The following EIF4E variants were observed in gnomAD, a reference collection of about 807,000 sequenced individuals.
EIF4E encodes the protein eIF-4F 25 kDa subunit.
For synonymous variants in EIF4E, 71 were observed against 88.5 expected (o/e 0.80, Z 1.11); for missense variants, 113 against 265.6 (o/e 0.43, Z 3.99).
intron 1 of EIF4E, among the ~76,000 whole-genome samples, chr4:98,925,304 G>A (rs1037959252): frequency 1.3e-5 from 2 of 151,992 alleles, no homozygotes; most frequent in East Asian, 3.9e-4. Flanking sequence ...TACCTCAAAA[G>A]GAACTACAAG....
At chr4:98,894,944 T>A (rs2110190034) in intron 2 of EIF4E, among the ~76,000 whole-genome samples, 1 of 152,340 alleles carries the variant, frequency 6.6e-6, no homozygotes. Flanking sequence ...GTAGGGCTAT[T>A]AATTGGCTTA....
chr4:98,917,933 G>A (rs190020020), intron 1 of EIF4E, among the ~76,000 whole-genome samples: 71 of 150,958 alleles, frequency 4.7e-4, no homozygotes, highest in African/African-American at 1.2e-3. Context: ...AAAATTAGCC[G>A]GGCGTGGTGG....
intron 1 of EIF4E, among the ~76,000 whole-genome samples, chr4:98,912,531 G>A (rs1020700956): frequency 1.3e-5 from 2 of 151,378 alleles, no homozygotes; most frequent in African/African-American, 4.9e-5. Context: ...AGCTGAGATC[G>A]CACCACTGCA....
intron 1 of EIF4E, among the ~76,000 whole-genome samples, chr4:98,918,862 C>T (rs762912042): frequency 4.6e-5 from 7 of 152,168 alleles, no homozygotes; most frequent in Non-Finnish European, 8.8e-5. Context: ...TGTATATGCA[C>T]AAATCTCTAT....
chr4:98,918,705 G>A (rs1001961142), intron 1 of EIF4E, among the ~76,000 whole-genome samples: 1 of 152,036 alleles, frequency 6.6e-6, no homozygotes, highest in African/African-American at 2.4e-5. Context: ...ACCAAATAGT[G>A]TAACATATAC....
In EIF4E at chr4:98,887,685, G is replaced by A. The variant is rs918450643; in HGVS notation, c.285+204C>T. Among the ~76,000 whole-genome samples the A allele has an allele frequency of 6.6e-6, 1 of 152,094 alleles. No individual in the cohort carries two copies. Among genetic ancestry groups the A allele is most frequent in the Non-Finnish European group, 1.5e-5 (1 of 68,014 alleles). ...AAAGCTCTCATCAAAATCAATCTCA[G>A]TATGTGCCCACAGAGTAACTCTCTC... is the stretch of plus-strand genomic sequence containing the variant. On this transcript the variant is annotated intron_variant, in intron 4 of 6. Transcript: ENST00000450253. This position sits in a 1 kb window ranked among gnomAD's most constrained non-coding sequence, Gnocchi z 4.0.
intron 2 of EIF4E, among the ~76,000 whole-genome samples, 186 bp downstream of exon 2, chr4:98,901,690 C>T (rs568755232): frequency 1.3e-5 from 2 of 152,338 alleles, no homozygotes; most frequent in Admixed American, 1.3e-4. Flanking sequence ...TCTCACATAG[C>T]TCCTTTTGAA....
intron 1 of EIF4E, among the ~76,000 whole-genome samples, chr4:98,919,345 A>C (rs2110220706): frequency 6.9e-6 from 1 of 145,746 alleles, no homozygotes; most frequent in South Asian, 2.1e-4. Flanking sequence ...AAAAAAAAAA[A>C]ACAAAAAAAA....
chr4:98,899,775 C>T (rs1001625631), intron 2 of EIF4E, among the ~76,000 whole-genome samples: 8 of 152,058 alleles, frequency 5.3e-5, no homozygotes, highest in Admixed American at 3.3e-4. Flanking sequence ...AAAAAGTATA[C>T]ATATGTGCAT....
intron 2 of EIF4E, among the ~76,000 whole-genome samples, chr4:98,892,327 AC>A (rs139616192): frequency 0.38 from 49,389 of 129,252 alleles, 10,184 homozygotes; most frequent in African/African-American, 0.53. Flanking sequence ...ATCTCAAAAA[AC>A]AAAAAAACAA....
intron 2 of EIF4E, among the ~76,000 whole-genome samples, chr4:98,898,390 T>C (rs1348428075): frequency 6.6e-6 from 1 of 152,028 alleles, no homozygotes; most frequent in African/African-American, 2.4e-5. Context: ...GGGTGGATCA[T>C]GAGGTCAGGA....
At chr4:98,898,349 C>T (rs769579800) in intron 2 of EIF4E, among the ~76,000 whole-genome samples, 2 of 152,118 alleles carry the variant, frequency 1.3e-5, no homozygotes. Flanking sequence ...TGGCTCATGC[C>T]TGTAATCCCA....
At chr4:98,896,720 G>A (rs1724426146) in intron 2 of EIF4E, among the ~76,000 whole-genome samples, 1 of 142,030 alleles carries the variant, frequency 7.0e-6, no homozygotes, top group Non-Finnish European at 1.5e-5. Context: ...GTTCATGCCT[G>A]TAATCCCAGT....
intron 1 of EIF4E, among the ~76,000 whole-genome samples, chr4:98,917,801 C>T (rs1451488277): frequency 1.3e-5 from 2 of 152,180 alleles, no homozygotes; most frequent in African/African-American, 2.4e-5. Context: ...CCTGGCCAGG[C>T]GTGATGGCTC....
At chr4:98,922,901 T>C (rs960215867) in intron 1 of EIF4E, among the ~76,000 whole-genome samples, 5 of 149,264 alleles carry the variant, frequency 3.3e-5, no homozygotes, top group African/African-American at 7.4e-5. Flanking sequence ...CAGGCTGGAG[T>C]GCGATGGCAG....
chr4:98,900,155 C>G (rs1346952463), intron 2 of EIF4E, among the ~76,000 whole-genome samples: 1 of 150,888 alleles, frequency 6.6e-6, no homozygotes, highest in East Asian at 1.9e-4. Context: ...TTTCATATCA[C>G]TGAAAAAAAT....
chr4:98,887,880 T>G lies in EIF4E; in HGVS notation c.285+9A>C. 2 of 1,611,278 alleles carry G rather than the reference T, an allele frequency of 1.2e-6. No homozygotes were observed. The highest frequency in any genetic ancestry group is 1.7e-6 in the Non-Finnish European group (2 of 1,178,046). ...ATAATAAATATATAAAATCACCAAT[T>G]AAGCATACCTTAAAAAGTGAGTAGT... On this transcript the variant is annotated intron_variant, in intron 4 of 6. Coordinates refer to ENST00000450253, the MANE Select transcript of EIF4E (RefSeq NM_001968.5). This position sits in a 1 kb window ranked among gnomAD's most constrained non-coding sequence, Gnocchi z 4.0.
At position 98,929,080 on chromosome 4, in the gene EIF4E, A is replaced by C. The variant is rs1005599012; in HGVS notation, c.18+15T>G. The C allele has an allele frequency of 3.8e-6, 6 of 1,582,980 alleles. No homozygotes were observed. The South Asian group carries it at 6.9e-5, about 18-fold the overall frequency. On this transcript the variant is annotated intron_variant, in intron 1 of 6. Coordinates refer to ENST00000450253, the MANE Select transcript of EIF4E (RefSeq NM_001968.5). ...GCGGGGACCCGTGGGGGTGGGGGCC[A>C]AAGGCAATACTCACCGGTTCGACAG... is the stretch of plus-strand genomic sequence containing the variant.
intron 5 of EIF4E, chr4:98,886,651 C>G (rs1723932732): frequency 1.6e-4 from 54 of 339,526 alleles, no homozygotes; most frequent in South Asian, 8.5e-4. Flanking sequence ...GAGGGTGAGG[C>G]TGAAATGAGC....
Sources: allele counts gnomAD v4.1 joint callset (sites outside exome capture counted in the v4.1 genomes callset), GRCh38; gene constraint gnomAD v4.1.1; non-coding constraint Gnocchi (gnomAD v3.1); transcripts MANE v1.5; gene names NCBI Gene and HGNC (gene_info 2026-07-23, HGNC 2026-07-21).